The following RTN2 variants were observed in gnomAD, a reference collection of about 807,000 sequenced individuals.
RTN2 encodes reticulon-2.
A neutral mutation model predicts 63.7 loss-of-function variants in RTN2; 36 were observed. That is an observed-to-expected ratio of 0.56 (90% CI 0.43 to 0.75). RTN2 has a LOEUF of 0.75. Among genes scored for constraint, RTN2 ranks in the 30% least tolerant of loss-of-function variants. The pLI, the probability that RTN2 is intolerant of heterozygous loss-of-function variation, is 0.00. For missense variants in RTN2, 673 were observed against 705.1 expected (o/e 0.95, Z 0.52); for synonymous variants, 312 against 313.0 (o/e 1.00, Z 0.03).
At chr19:45,485,856 G>A (rs1410560399) in intron 10 of RTN2, 67 bp from the exon 11 acceptor site, 2 of 1,354,148 alleles carry the variant, frequency 1.5e-6, no homozygotes, top group African/African-American at 1.4e-5. Context: ...TGGGGACAAC[G>A]GGGAAAGCTG....
chr19:45,490,553 G>GTGTA (rs1435843538), intron 5 of RTN2, among the ~76,000 whole-genome samples: 1 of 151,468 alleles, frequency 6.6e-6, no homozygotes, highest in Non-Finnish European at 1.5e-5. Context: ...GTGTGTGTGT[G>GTGTA]TGTGTGTGTG....
chr19:45,485,877 T>G, intron 10 of RTN2, 88 bp from the exon 11 acceptor site: 2 of 1,275,870 alleles, frequency 1.6e-6, no homozygotes, highest in Non-Finnish European at 2.3e-6. Flanking sequence ...GGTGGGAAAC[T>G]GACCAAGAGC....
chr19:45,489,420 G>A lies in RTN2; in HGVS notation c.1167C>T (p.Cys389=), dbSNP rs758370815. Residue 389 remains cysteine, a synonymous_variant, in exon 6 of 11, where the codon TGC becomes TGT. Transcript: ENST00000245923. ...VAAHLALLLL[C]GTISLRVYRK... is the part of the protein sequence containing the mutation. The stretch of plus-strand genomic sequence containing the variant: ...GGTAAACCCTGAGAGAGATGGTGCC[G>A]CAGAGCAGCAACAGAGCCAAGTGCG... The A allele has an allele frequency of 4.1e-5, 66 of 1,606,878 alleles. No individual in the cohort carries two copies. Among genetic ancestry groups the A allele is most frequent in the Non-Finnish European group, 4.8e-5 (57 of 1,177,032 alleles).
rs1968281844 is a variant in RTN2, at chr19:45,496,796, G to A, written c.30C>T (p.His10=). 1 of 1,521,482 alleles carries A rather than the reference G, an allele frequency of 6.6e-7. No individual in the cohort carries two copies. The highest frequency in any genetic ancestry group is 8.8e-7 in the Non-Finnish European group (1 of 1,130,354). 94.2% of individuals were successfully genotyped at this position (1,521,482 alleles called of 1,614,324 possible). Residue 10 remains histidine (H), a synonymous_variant, in exon 1 of 11, where the codon CAC becomes CAT. Transcript: ENST00000245923. MGQVLPVFA[H]CKEAPSTASS... is the part of the protein sequence containing the mutation. ...CCCCAGTCTTCCTCTACTCACTGCAGTGGGCGAAGACCGGCAGGACCTGCC... is the reference window on the plus strand; with the variant it reads ...CCCCAGTCTTCCTCTACTCACTGCAATGGGCGAAGACCGGCAGGACCTGCC...
At chr19:45,487,061 T>TTTTTTTTTTTTTTG (rs1968041670) in intron 9 of RTN2, among the ~76,000 whole-genome samples, 2 of 118,268 alleles carry the variant, frequency 1.7e-5, no homozygotes, top group Non-Finnish European at 3.5e-5. Flanking sequence ...TTTTTTTTTT[T>TTTTTTTTTTTTTTG]AGATAGGGTC....
chr19:45,495,385 C>T (rs1968250418), intron 1 of RTN2, among the ~76,000 whole-genome samples: 1 of 152,200 alleles, frequency 6.6e-6, no homozygotes, highest in African/African-American at 2.4e-5. Context: ...ATTCGTTCAA[C>T]AACCACTTAT....
intron 5 of RTN2, among the ~76,000 whole-genome samples, chr19:45,491,360 ATTTTTTT>A (rs752835899): frequency 1.6e-5 from 2 of 125,504 alleles, no homozygotes; most frequent in Non-Finnish European, 3.4e-5. Flanking sequence ...TATCGTGCTA[ATTTTTTT>A]TTTTTTTTTT....
At position 45,494,955 on chromosome 19, in the gene RTN2, A is replaced by G; in HGVS notation, c.130T>C (p.Ser44Pro). The G allele has an allele frequency of 6.2e-7, 1 of 1,613,918 alleles. No homozygotes were observed. Among genetic ancestry groups the G allele is most frequent in the East Asian group, 2.2e-5 (1 of 44,882 alleles). The change falls in exon 3 of 11, where the codon TCA becomes CCA. Residue 44 changes from serine to proline, a missense_variant. Transcript: ENST00000245923. This position sits in a 1 kb window ranked among gnomAD's most constrained non-coding sequence, Gnocchi z 5.3. Reference sequence around the variant, plus strand: ...GTGGTCTCCTCCTCGTCCTCCTCTGAGAATTCCCGGGCTGTGTGCAGCTCT... The same window carrying G: ...GTGGTCTCCTCCTCGTCCTCCTCTGGGAATTCCCGGGCTGTGTGCAGCTCT... ...FRELHTAREF[S>P]EEDEEETTSQ...
At chr19:45,487,582 G>GTTTTTTT (rs1968051695) in intron 9 of RTN2, among the ~76,000 whole-genome samples, 1 of 121,264 alleles carries the variant, frequency 8.2e-6, no homozygotes, top group Non-Finnish European at 1.7e-5. Context: ...TTTATTTTTT[G>GTTTTTTT]GTTTTTTTTT....
Position 45,494,883 on chromosome 19 carries a change from C to G in RTN2, c.202G>C (p.Ala68Pro). Residue 68 changes from alanine to proline, a missense_variant, in exon 3 of 11, where the codon GCC becomes CCC. By Grantham distance (27) the Ala-to-Pro change is conservative. Transcript: ENST00000245923. This position sits in a 1 kb window ranked among gnomAD's most constrained non-coding sequence, Gnocchi z 5.3. ...CCGGAGCCCACTACACCATCAAAGG[C>G]GATGTAGGAGAAGGTCAGCTCCCGG... ...TPRELTFSYI[A>P]FDGVVGSGGR... 1 of 1,610,150 alleles carries G rather than the reference C, an allele frequency of 6.2e-7. No homozygotes were observed. Among genetic ancestry groups the G allele is most frequent in the South Asian group, 1.1e-5 (1 of 91,080 alleles).
Position 45,485,732 on chromosome 19 carries a change from G to A in RTN2, c.1614C>T (p.Ser538=), listed in dbSNP as rs768115826. The change falls in exon 11 of 11, where the codon TCC becomes TCT. Residue 538 remains serine (S), a synonymous_variant. Transcript: ENST00000245923. The part of the protein sequence containing the change: ...GALASAAAAV[S]GSKAKAE ...CTCATTCGGCTTTGGCTTTGGATCC[G>A]GAGACTGCGGCTGCTGCAGAGGCCA... The A allele has an allele frequency of 1.2e-6, 2 of 1,614,082 alleles. No homozygotes were observed. Among genetic ancestry groups the A allele is most frequent in the South Asian group, 2.2e-5 (2 of 91,082 alleles).
intron 9 of RTN2, 116 bp from the exon 10 acceptor site, chr19:45,486,229 C>G: frequency 1.2e-6 from 1 of 806,184 alleles, no homozygotes; most frequent in Non-Finnish European, 2.1e-6. Flanking sequence ...AGTGGCCCAC[C>G]ACGCCACCCC....
At chr19:45,493,080 C>A (rs975871917) in intron 5 of RTN2, 80 bp downstream of exon 5, 41 of 1,320,592 alleles carry the variant, frequency 3.1e-5, no homozygotes, top group Non-Finnish European at 3.4e-5. Context: ...AAAAATGCTC[C>A]GGATGTGCAG....
intron 5 of RTN2, among the ~76,000 whole-genome samples, chr19:45,491,169 C>T (rs1310491290): frequency 2.0e-5 from 3 of 151,174 alleles, no homozygotes; most frequent in Non-Finnish European, 2.9e-5. Context: ...GGATTACAGG[C>T]GTGAGCCACC....
Position 45,494,835 on chromosome 19 carries a change from G to A in RTN2, c.250C>T (p.Arg84Cys), listed in dbSNP as rs781700125. 8.7e-6 allele frequency: 14 copies of A among 1,603,604 alleles called. No homozygotes were observed. The East Asian group carries it at 1.8e-4, about 20-fold the overall frequency. ...GAGCGGCCCTGGGGGCGGGGGCGGC[G>A]GGCAGTTGAATCCCTGCGGCCCCCG... ...GSGGRRDSTA[R>C]RPRPQGRSVS... Residue 84 changes from arginine to cysteine, a missense_variant, in exon 3 of 11, where the codon CGC becomes TGC. Transcript: ENST00000245923. This position sits in a 1 kb window ranked among gnomAD's most constrained non-coding sequence, Gnocchi z 5.3.
At chr19:45,495,176 T>G in intron 1 of RTN2, 37 bp from the exon 2 acceptor site, 1 of 1,611,552 alleles carries the variant, frequency 6.2e-7, no homozygotes, top group Non-Finnish European at 8.5e-7. Flanking sequence ...CTTAGAAGCT[T>G]AGACTGTCCG....
chr19:45,489,147 C>G, intron 6 of RTN2, 161 bp from the exon 7 acceptor site: 2 of 918,878 alleles, frequency 2.2e-6, no homozygotes, highest in Non-Finnish European at 3.3e-6. Flanking sequence ...GGGTCAGGGT[C>G]AGGGTCAGGG....
chr19:45,491,177 A>ACCACG (rs1032129080), intron 5 of RTN2, among the ~76,000 whole-genome samples: 2 of 150,112 alleles, frequency 1.3e-5, no homozygotes, highest in African/African-American at 4.9e-5. Context: ...GGCGTGAGCC[A>ACCACG]CCACGCCCGG....
In RTN2 at chr19:45,485,666, C is replaced by T. The variant is rs1968003394; in HGVS notation, c.*42G>A. On this transcript the variant is annotated 3_prime_UTR_variant, in exon 11 of 11. Coordinates refer to ENST00000245923, the MANE Select transcript of RTN2 (RefSeq NM_005619.5). Reference sequence around the variant, plus strand: ...AGAGATGGAGGGGGCCAGAGGGCTGCGGGGGCTGGGGGCAGGCGTCCTGCG... The same window carrying T: ...AGAGATGGAGGGGGCCAGAGGGCTGTGGGGGCTGGGGGCAGGCGTCCTGCG... 6.6e-7 allele frequency: 1 copy of T among 1,517,360 alleles called. No homozygotes were observed. The highest frequency in any genetic ancestry group is 1.4e-5 in the African/African-American group (1 of 73,050). 94.0% of individuals were successfully genotyped at this position (1,517,360 alleles called of 1,614,324 possible).
Sources: gnomAD v4.1 joint callset for allele counts (sites outside exome capture counted in the v4.1 genomes callset) on GRCh38, gnomAD v4.1.1 for gene constraint, Gnocchi (gnomAD v3.1) non-coding constraint, MANE v1.5 for transcripts, NCBI Gene and HGNC (gene_info 2026-07-23, HGNC 2026-07-21) for gene names.